SPOCK3: variants seen among roughly 807,000 people sequenced by gnomAD.
SPOCK3 encodes the protein SPARC (osteonectin), cwcv and kazal like domains proteoglycan 3, also known as testican-3.
Under a neutral mutation model 56.6 loss-of-function variants are expected in SPOCK3, and 30 were observed. That is an observed-to-expected ratio of 0.53 (90% CI 0.40 to 0.72). The LOEUF is 0.72. Ranked by LOEUF, SPOCK3 falls within the 30% of genes least tolerant of loss-of-function variation. The pLI is 0.00. For missense variants in SPOCK3, 527 were observed against 530.0 expected, an observed-to-expected ratio of 0.99 and a Z score of 0.06; for synonymous variants, 196 against 183.3, an observed-to-expected ratio of 1.07 and a Z score of -0.56.
At chr4:166,968,499 C>T (rs2150069691) in intron 4 of SPOCK3, among the ~76,000 whole-genome samples, 1 of 152,306 alleles carries the variant, frequency 6.6e-6, no homozygotes, top group Middle Eastern at 3.4e-3. Context: ...CCAGCTCCAG[C>T]AATGACTAAA....
At chr4:167,194,645 T>C (rs1162745687) in intron 2 of SPOCK3, among the ~76,000 whole-genome samples, 6 of 152,158 alleles carry the variant, frequency 3.9e-5, no homozygotes, top group Non-Finnish European at 8.8e-5. Context: ...GAATGTAGCT[T>C]ATTAGTATTG....
chr4:166,950,135 A>G (rs1273860270), intron 4 of SPOCK3, among the ~76,000 whole-genome samples: 6 of 151,586 alleles, frequency 4.0e-5, no homozygotes, highest in Admixed American at 6.6e-5. Context: ...AAAGACACAG[A>G]CTGGCAAATT....
chr4:166,924,077 T>C (rs1738793679), intron 4 of SPOCK3, among the ~76,000 whole-genome samples: 2 of 152,126 alleles, frequency 1.3e-5, no homozygotes, highest in Admixed American at 1.3e-4. Flanking sequence ...CTTTGTGACA[T>C]CCAAGGTTGA....
At chr4:167,054,424 C>G (rs1332783384) in intron 3 of SPOCK3, among the ~76,000 whole-genome samples, 5 of 152,184 alleles carry the variant, frequency 3.3e-5, no homozygotes, top group African/African-American at 1.2e-4. Flanking sequence ...GTTTATTTAT[C>G]ATAGTAAATG....
intron 6 of SPOCK3, among the ~76,000 whole-genome samples, chr4:166,841,446 A>G (rs1747310890): frequency 6.6e-6 from 1 of 152,210 alleles, no homozygotes; most frequent in Admixed American, 6.5e-5. Context: ...AAAGTAAGAA[A>G]AAAAGATTAT....
At chr4:166,933,482 T>C (rs111468289) in intron 4 of SPOCK3, among the ~76,000 whole-genome samples, 1 of 152,200 alleles carries the variant, frequency 6.6e-6, no homozygotes, top group African/African-American at 2.4e-5. Flanking sequence ...CAGAAAGTTA[T>C]GTTTTTCCCT....
intron 4 of SPOCK3, among the ~76,000 whole-genome samples, chr4:166,956,445 C>T (rs1322012693): frequency 6.6e-6 from 1 of 152,112 alleles, no homozygotes; most frequent in Non-Finnish European, 1.5e-5. Context: ...AATAACCAAA[C>T]CAGCTACTAA....
intron 2 of SPOCK3, among the ~76,000 whole-genome samples, chr4:167,074,322 T>G (rs1234495300): frequency 6.6e-6 from 1 of 152,066 alleles, no homozygotes; most frequent in East Asian, 2.0e-4. Flanking sequence ...ATGGTTTAGT[T>G]GAACGCTGCT....
intron 2 of SPOCK3, among the ~76,000 whole-genome samples, chr4:167,152,469 T>A (rs1468245730): frequency 2.6e-5 from 4 of 152,136 alleles, no homozygotes; most frequent in African/African-American, 9.7e-5. Flanking sequence ...ATATAACTAA[T>A]CCAGACAGTC....
At chr4:167,085,617 T>C (rs1182839496) in intron 2 of SPOCK3, among the ~76,000 whole-genome samples, 1 of 152,152 alleles carries the variant, frequency 6.6e-6, no homozygotes, top group Non-Finnish European at 1.5e-5. Context: ...AGATGTGTCA[T>C]AGCCAAAAGA....
At chr4:166,838,024 G>T (rs1746814363) in intron 6 of SPOCK3, among the ~76,000 whole-genome samples, 1 of 152,006 alleles carries the variant, frequency 6.6e-6, no homozygotes. Flanking sequence ...CGTTTCTAAT[G>T]TTATGTCCAT....
intron 4 of SPOCK3, among the ~76,000 whole-genome samples, chr4:166,964,244 T>C (rs892419940): frequency 1.3e-5 from 2 of 151,830 alleles, no homozygotes; most frequent in Admixed American, 6.6e-5. Flanking sequence ...ATTTCATTTC[T>C]TCCTATCAGT....
At chr4:167,232,538 TTTTTGA>T (rs1246686694) in intron 2 of SPOCK3, among the ~76,000 whole-genome samples, 1 of 152,174 alleles carries the variant, frequency 6.6e-6, no homozygotes, top group Non-Finnish European at 1.5e-5. Flanking sequence ...TTCGTTTTTG[TTTTTGA>T]TTTTGCCAAA....
intron 3 of SPOCK3, among the ~76,000 whole-genome samples, chr4:167,054,400 G>A (rs1167463485): frequency 2.0e-5 from 3 of 152,146 alleles, no homozygotes; most frequent in Non-Finnish European, 4.4e-5. Context: ...GTTCACACAT[G>A]CATTTTCCCT....
chr4:167,224,934 G>A (rs1383645735), intron 2 of SPOCK3, among the ~76,000 whole-genome samples: 1 of 151,966 alleles, frequency 6.6e-6, no homozygotes, highest in Non-Finnish European at 1.5e-5. Context: ...CAAAGTGCTG[G>A]GATTACAGGC....
At chr4:166,908,422 A>G (rs1736869019) in intron 5 of SPOCK3, among the ~76,000 whole-genome samples, 1 of 151,266 alleles carries the variant, frequency 6.6e-6, no homozygotes, top group Admixed American at 6.6e-5. Context: ...ATTCAAATTC[A>G]TGGGGCCCCA....
chr4:167,001,657 G>A (rs1226652662), intron 3 of SPOCK3, among the ~76,000 whole-genome samples: 1 of 152,132 alleles, frequency 6.6e-6, no homozygotes, highest in Non-Finnish European at 1.5e-5. Flanking sequence ...CAGAGGAGGA[G>A]TTGGTACAAA....
intron 6 of SPOCK3, among the ~76,000 whole-genome samples, chr4:166,854,009 A>T (rs1460891283): frequency 6.6e-6 from 1 of 152,236 alleles, no homozygotes; most frequent in Non-Finnish European, 1.5e-5. Context: ...TGTTAGTTTG[A>T]GCAATATGAA....
intron 4 of SPOCK3, among the ~76,000 whole-genome samples, chr4:166,947,949 C>G (rs959095713): frequency 3.3e-5 from 5 of 152,112 alleles, no homozygotes; most frequent in African/African-American, 1.2e-4. Context: ...CTGGGTATTA[C>G]AACACCAGAA....
Sources: gnomAD v4.1 joint callset for allele counts (sites outside exome capture counted in the v4.1 genomes callset) on GRCh38, gnomAD v4.1.1 for gene constraint, MANE v1.5 for transcripts, NCBI Gene and HGNC (gene_info 2026-07-23, HGNC 2026-07-21) for gene names.